PRKCH: variants seen among roughly 807,000 people sequenced by gnomAD.
PRKCH encodes protein kinase C eta, also known as protein kinase C eta type.
In PRKCH, 28 loss-of-function variants were observed where a neutral mutation model predicts 82.5. The ratio of observed to expected loss-of-function variants is 0.34; its 90% CI spans 0.25 to 0.47. PRKCH has a LOEUF of 0.47. Ranked by LOEUF, PRKCH falls within the 20% of genes least tolerant of loss-of-function variation. PRKCH has a pLI of 1.00. For missense variants in PRKCH, 705 were observed against 881.8 expected (o/e 0.80, Z 2.54); for synonymous variants, 322 against 327.4 (o/e 0.98, Z 0.18).
intron 2 of PRKCH, among the ~76,000 whole-genome samples, chr14:61,409,288 C>A (rs182396648): frequency 1.3e-5 from 2 of 152,236 alleles, no homozygotes; most frequent in African/African-American, 4.8e-5. Context: ...GATAGCATGA[C>A]CCAGCCATGG....
chr14:61,396,096 A>G (rs541203210), intron 2 of PRKCH, among the ~76,000 whole-genome samples: 3 of 151,652 alleles, frequency 2.0e-5, no homozygotes, highest in Admixed American at 6.6e-5. Flanking sequence ...AAAAAAAAAA[A>G]AAGAAAAGAA....
intron 1 of PRKCH, among the ~76,000 whole-genome samples, chr14:61,206,705 TG>T (rs2044526965): frequency 6.6e-6 from 1 of 152,066 alleles, no homozygotes; most frequent in African/African-American, 2.4e-5. Flanking sequence ...TTCAGCATCC[TG>T]GGGTCCAGAG....
chr14:61,315,068 A>T (rs1302457104), intron 1 of PRKCH, among the ~76,000 whole-genome samples: 1 of 152,206 alleles, frequency 6.6e-6, no homozygotes, highest in Admixed American at 6.5e-5. Flanking sequence ...AAATATTACT[A>T]TATCTTTGAA....
intron 1 of PRKCH, among the ~76,000 whole-genome samples, chr14:61,380,774 C>G (rs1260836517): frequency 6.6e-6 from 1 of 152,208 alleles, no homozygotes; most frequent in African/African-American, 2.4e-5. Flanking sequence ...TAGACCATTT[C>G]TACCTTGAGC....
chr14:61,372,056 A>T (rs1437589387), intron 1 of PRKCH, among the ~76,000 whole-genome samples: 1 of 152,056 alleles, frequency 6.6e-6, no homozygotes, highest in Non-Finnish European at 1.5e-5. Flanking sequence ...GTGACATGCC[A>T]CCCATCCTGG....
intron 2 of PRKCH, among the ~76,000 whole-genome samples, chr14:61,416,467 C>A (rs1011523011): frequency 6.6e-6 from 1 of 152,154 alleles, no homozygotes; most frequent in African/African-American, 2.4e-5. Context: ...AGTTTTAAAA[C>A]AATCTCTTGT....
At chr14:61,217,888 C>G (rs561709846) in intron 1 of PRKCH, among the ~76,000 whole-genome samples, 1 of 152,248 alleles carries the variant, frequency 6.6e-6, no homozygotes, top group Admixed American at 6.5e-5. Flanking sequence ...TTCTTTCAGG[C>G]TAGAACAGAT....
At chr14:61,199,113 G>C (rs7148413) in intron 1 of PRKCH, among the ~76,000 whole-genome samples, 48,406 of 151,976 alleles carry the variant, frequency 0.32, 8,025 homozygotes, top group Admixed American at 0.41. Flanking sequence ...TGACCAATAT[G>C]TACTACTAAT....
At chr14:61,287,438 C>T (rs757485942) in intron 1 of PRKCH, among the ~76,000 whole-genome samples, 8 of 151,718 alleles carry the variant, frequency 5.3e-5, no homozygotes, top group South Asian at 2.1e-4. Flanking sequence ...GGGCCACGCC[C>T]GGTAGCTCAC....
intron 1 of PRKCH, among the ~76,000 whole-genome samples, chr14:61,212,341 A>C (rs747090350): frequency 2.0e-5 from 3 of 152,234 alleles, no homozygotes; most frequent in Non-Finnish European, 4.4e-5. Flanking sequence ...TAACTATGCT[A>C]TCATTGGAAG....
intron 12 of PRKCH, among the ~76,000 whole-genome samples, chr14:61,546,687 T>A (rs1431815851): frequency 6.6e-6 from 1 of 152,244 alleles, no homozygotes. Context: ...GCATTACTTT[T>A]GTGTTGTTCA....
rs375363716 is a variant in PRKCH at position 61,218,328 on chromosome 14, G to A, written c.-19+30660G>A. ...CCTATACCCTCTTCAACACTGTGCC[G>A]TGCAGGTAAGCTTCTGGGAAGAAAG... On this transcript the variant is annotated intron_variant, in intron 1 of 3. Transcript: ENST00000555185. 1.7e-3 allele frequency among the ~76,000 whole-genome samples: 265 copies of A among 152,212 alleles called. 1 individual carries two copies. The highest frequency in any genetic ancestry group is 3.4e-3 in the Middle Eastern group (1 of 294).
At chr14:61,293,650 A>AT (rs1304449942) in intron 1 of PRKCH, among the ~76,000 whole-genome samples, 1 of 152,194 alleles carries the variant, frequency 6.6e-6, no homozygotes, top group East Asian at 1.9e-4. Context: ...GTGATAATAA[A>AT]TCTGCTTTTA....
chr14:61,331,229 T>A (rs1461568052), intron 1 of PRKCH, among the ~76,000 whole-genome samples: 1 of 152,244 alleles, frequency 6.6e-6, no homozygotes, highest in African/African-American at 2.4e-5. Flanking sequence ...GATATATATT[T>A]ACTTAGATTT....
chr14:61,344,234 A>C (rs11621184), intron 1 of PRKCH: 87,490 of 152,050 alleles, frequency 0.58, 29,406 homozygotes, highest in Non-Finnish European at 0.75. Flanking sequence ...GCGTAAGAAG[A>C]AAGGAAAATA....
chr14:61,264,031 A>G (rs1490414518), intron 1 of PRKCH, among the ~76,000 whole-genome samples: 1 of 152,102 alleles, frequency 6.6e-6, no homozygotes, highest in African/African-American at 2.4e-5. Context: ...TGCACCTTAT[A>G]ACTGTATACC....
chr14:61,399,017 A>T (rs766086011), intron 2 of PRKCH, among the ~76,000 whole-genome samples: 4 of 152,214 alleles, frequency 2.6e-5, no homozygotes, highest in Non-Finnish European at 5.9e-5. Context: ...TGATTGTGGT[A>T]TTGTGGTTAC....
chr14:61,322,001 T>C lies in PRKCH; in HGVS notation c.-101T>C. The C allele has an allele frequency of 7.6e-7, 1 of 1,323,124 alleles. No individual in the cohort carries two copies. The highest frequency in any genetic ancestry group is 1.0e-6 in the Non-Finnish European group (1 of 990,474). The allele number at this position is 1,323,124 out of a possible 1,614,324, so 82.0% of individuals were successfully genotyped here. ...GGCGCTGCCTTTCCCCAGGGCTGCC[T>C]CGACTCCTGCACCTGTCCCGAGGGC... On this transcript the variant is annotated 5_prime_UTR_variant, in exon 1 of 14. Transcript: ENST00000332981.
At position 61,398,999 on chromosome 14, in the gene PRKCH, T is replaced by C. The variant is rs181106149; in HGVS notation, c.427+7711T>C. Among the ~76,000 whole-genome samples the C allele has an allele frequency of 2.2e-3, 332 of 152,338 alleles. 1 individual carries two copies. Among genetic ancestry groups the C allele is most frequent in the Non-Finnish European group, 3.9e-3 (264 of 68,030 alleles). The stretch of plus-strand genomic sequence containing the variant: ...GGATATTACAGAATTGTTGATGTTA[T>C]TTAGGTGTGATTGTGGTATTGTGGT... On this transcript the variant is annotated intron_variant, in intron 2 of 13. Transcript: ENST00000332981.
Sources: allele counts gnomAD v4.1 joint callset (sites outside exome capture counted in the v4.1 genomes callset), GRCh38; gene constraint gnomAD v4.1.1; transcripts MANE v1.5; gene names NCBI Gene and HGNC (gene_info 2026-07-23, HGNC 2026-07-21).